Variants in ANKFN1 observed in about 807,000 individuals in gnomAD.
The protein encoded by ANKFN1 is ankyrin repeat and fibronectin type III domain containing 1.
Under a neutral mutation model 108.7 loss-of-function variants are expected in ANKFN1, and 74 were observed. The observed-to-expected ratio is 0.68, with a 90% CI of 0.56 to 0.83. The LOEUF (loss-of-function observed/expected upper bound fraction) is 0.83. Ranked by LOEUF, ANKFN1 falls within the 40% of genes least tolerant of loss-of-function variation. ANKFN1 has a pLI of 0.00. For synonymous variants in ANKFN1, 547 were observed against 516.2 expected, an observed-to-expected ratio of 1.06 and a Z score of -0.81; for missense variants, 1,505 against 1,382.3, an observed-to-expected ratio of 1.09 and a Z score of -1.41.
intron 3 of ANKFN1, among the ~76,000 whole-genome samples, chr17:56,320,232 A>T (rs1428878728): frequency 1.3e-5 from 2 of 152,206 alleles, no homozygotes; most frequent in African/African-American, 4.8e-5. Flanking sequence ...AATATGACAA[A>T]CCACATCATG....
chr17:56,413,913 G>A (rs1272068778), intron 8 of ANKFN1, among the ~76,000 whole-genome samples: 1 of 152,076 alleles, frequency 6.6e-6, no homozygotes, highest in African/African-American at 2.4e-5. Context: ...CCTGACCTCA[G>A]GTGATCCGCC....
chr17:56,488,726 G>A (rs2050933970), intron 18 of ANKFN1, among the ~76,000 whole-genome samples: 1 of 152,224 alleles, frequency 6.6e-6, no homozygotes, highest in South Asian at 2.1e-4. Context: ...TGAACTAAAT[G>A]GACCCCAGGA....
chr17:56,420,715 C>CTTT (rs560168948), intron 8 of ANKFN1, among the ~76,000 whole-genome samples: 4 of 84,082 alleles, frequency 4.8e-5, no homozygotes, highest in Admixed American at 1.2e-4. Flanking sequence ...TTGTTGTTTT[C>CTTT]TTTTTTTTTT....
rs2050778581 is a variant in ANKFN1 at position 56,483,678 on chromosome 17, T to C, written c.2260+1154T>C. On this transcript the variant is annotated intron_variant, in intron 18 of 20. Coordinates refer to ENST00000682825, the MANE Select transcript of ANKFN1 (RefSeq NM_001370326.1). ...TTGCTTAACCTTTCTACACCTTTTCTGTGTCACACAATTAATCACATTGGC... is the reference window on the plus strand; with the variant it reads ...TTGCTTAACCTTTCTACACCTTTTCCGTGTCACACAATTAATCACATTGGC... Among the ~76,000 whole-genome samples the C allele has an allele frequency of 2.0e-5, 3 of 152,338 alleles. No homozygotes were observed. In the South Asian group the frequency reaches 6.2e-4, roughly 32 times the overall value.
At chr17:56,203,660 T>A (rs575410133) in intron 1 of ANKFN1, among the ~76,000 whole-genome samples, 1 of 152,342 alleles carries the variant, frequency 6.6e-6, no homozygotes, top group African/African-American at 2.4e-5. Context: ...CTGCTCTTCG[T>A]GTTTGCTCTT....
At chr17:56,460,032 C>A (rs749435027) in intron 14 of ANKFN1, among the ~76,000 whole-genome samples, 1 of 145,324 alleles carries the variant, frequency 6.9e-6, no homozygotes. Context: ...TCCAACATGT[C>A]TAAAGTAGTT....
chr17:56,443,609 G>GA (rs1416641080), intron 10 of ANKFN1, among the ~76,000 whole-genome samples: 2 of 152,070 alleles, frequency 1.3e-5, no homozygotes, highest in South Asian at 2.1e-4. Flanking sequence ...CACTCTGTCA[G>GA]AAAAAAAGCT....
At chr17:56,055,633 G>A (rs1160344792) in intron 4 of ANKFN1, among the ~76,000 whole-genome samples, 10 of 119,774 alleles carry the variant, frequency 8.3e-5, no homozygotes, top group African/African-American at 7.2e-5. Context: ...TGATGGAGAC[G>A]TACTCAGGTT....
chr17:56,104,211 A>T (rs1905699931), intron 4 of ANKFN1, among the ~76,000 whole-genome samples: 1 of 152,254 alleles, frequency 6.6e-6, no homozygotes, highest in Admixed American at 6.5e-5. Context: ...TTGTATACAC[A>T]TACACTCACC....
At chr17:56,220,792 GAGGA>G (rs1461782907) in intron 2 of ANKFN1, among the ~76,000 whole-genome samples, 3 of 79,724 alleles carry the variant, frequency 3.8e-5, no homozygotes, top group Admixed American at 1.3e-4. Context: ...GGAAGGAAGG[GAGGA>G]AGGGAGGGAG....
At chr17:56,336,592 A>T (rs567267800) in intron 4 of ANKFN1, among the ~76,000 whole-genome samples, 1 of 151,928 alleles carries the variant, frequency 6.6e-6, no homozygotes, top group African/African-American at 2.4e-5. Flanking sequence ...TATTGCATCT[A>T]TTTGATTCTT....
At chr17:56,106,475 T>G (rs548359437) in intron 4 of ANKFN1, among the ~76,000 whole-genome samples, 21 of 152,282 alleles carry the variant, frequency 1.4e-4, no homozygotes, top group East Asian at 9.7e-4. Context: ...AGCTACAAAA[T>G]CCCACCTGGC....
At chr17:56,326,423 A>T (rs1345810877) in intron 4 of ANKFN1, 68 bp downstream of exon 4, 14 of 1,543,014 alleles carry the variant, frequency 9.1e-6, no homozygotes, top group Non-Finnish European at 1.2e-5. Context: ...GATTATTTTT[A>T]AATGTGTATA....
intron 4 of ANKFN1, among the ~76,000 whole-genome samples, chr17:56,345,196 T>C (rs1200422638): frequency 2.0e-5 from 3 of 152,168 alleles, no homozygotes; most frequent in African/African-American, 7.2e-5. Flanking sequence ...TACAGCTTCA[T>C]CCATGTCCCT....
intron 4 of ANKFN1, among the ~76,000 whole-genome samples, chr17:56,083,442 C>G (rs904801767): frequency 5.3e-5 from 8 of 151,142 alleles, no homozygotes; most frequent in African/African-American, 1.9e-4. Context: ...TTTGCCATAT[C>G]CAGATCCTTT....
chr17:56,268,213 C>A lies in ANKFN1; in HGVS notation c.53+40256C>A, dbSNP rs1190042868. Among the ~76,000 whole-genome samples the A allele has an allele frequency of 2.0e-5, 3 of 152,212 alleles. No homozygotes were observed. In the South Asian group the frequency reaches 6.2e-4, roughly 32 times the overall value. On this transcript the variant is annotated intron_variant, in intron 3 of 20. Transcript: ENST00000682825. ...AATTCTCAACAAATTTTTAAAAAAA[C>A]TAAAATTATATCAACCACTCTCTTG...
At chr17:56,147,714 T>G (rs1201885356) in intron 4 of ANKFN1, among the ~76,000 whole-genome samples, 1 of 152,186 alleles carries the variant, frequency 6.6e-6, no homozygotes, top group Non-Finnish European at 1.5e-5. Context: ...ATCACTGTAC[T>G]TTTCATTTTT....
At chr17:56,144,241 C>T (rs557846795) in intron 4 of ANKFN1, among the ~76,000 whole-genome samples, 7 of 149,706 alleles carry the variant, frequency 4.7e-5, no homozygotes, top group Non-Finnish European at 1.0e-4. Flanking sequence ...CTCTCTACAG[C>T]AGGAGGACTT....
At chr17:56,118,403 AT>A (rs1174791598) in intron 4 of ANKFN1, among the ~76,000 whole-genome samples, 1 of 152,136 alleles carries the variant, frequency 6.6e-6, no homozygotes, top group African/African-American at 2.4e-5. Flanking sequence ...TTTCAAATAC[AT>A]TTTTTGTAAT....
Sources: allele counts gnomAD v4.1 joint callset (sites outside exome capture counted in the v4.1 genomes callset), GRCh38; gene constraint gnomAD v4.1.1; transcripts MANE v1.5; gene names NCBI Gene and HGNC (gene_info 2026-07-23, HGNC 2026-07-21).